LAMA1: variants seen among roughly 807,000 people sequenced by gnomAD.
LAMA1 encodes the protein laminin subunit alpha 1.
In LAMA1, 219 loss-of-function variants were observed where a neutral mutation model predicts 348.7. The observed-to-expected ratio is 0.63, with a 90% confidence interval of 0.56 to 0.70. The LOEUF (loss-of-function observed/expected upper bound fraction) is 0.70, where lower values mean the gene tolerates loss of function less well. LAMA1 is among the 30% of genes least tolerant of loss of function. The pLI is 0.00. For synonymous variants in LAMA1, 1,487 were observed against 1,491.0 expected, an observed-to-expected ratio of 1.00 and a Z score of 0.06; for missense variants, 3,744 against 3,888.0, an observed-to-expected ratio of 0.96 and a Z score of 0.99.
Position 7,034,682 on chromosome 18 carries a change from T to C in LAMA1, c.1848A>G (p.Gly616=). 1 of 1,612,836 alleles carries C rather than the reference T, an allele frequency of 6.2e-7. No homozygotes were observed. The highest frequency in any genetic ancestry group is 1.1e-5 in the South Asian group (1 of 90,994). The change falls in exon 14 of 63, where the codon GGA becomes GGG. Residue 616 remains glycine (G), a synonymous_variant. Transcript: ENST00000389658. The stretch of plus-strand genomic sequence containing the variant: ...CCTCAGCCTGTGTGCTTAAAGTGAG[T>C]CCGTTTCCCTAACATTTAAAAACAA... ...SHADVIIKGN[G]LTLSTQAEGL... is the part of the protein sequence containing the mutation.
At chr18:6,997,721 C>T (rs1173028703) in intron 33 of LAMA1, 21 bp downstream of exon 33, 23 of 1,611,106 alleles carry the variant, frequency 1.4e-5, no homozygotes, top group Non-Finnish European at 2.0e-5. Context: ...GTCTGTTCAT[C>T]TCTGTATTTC....
chr18:7,035,080 C>T (rs986733593), intron 13 of LAMA1, among the ~76,000 whole-genome samples: 4 of 152,186 alleles, frequency 2.6e-5, no homozygotes, highest in African/African-American at 9.7e-5. Context: ...AAGTGATTTA[C>T]CGTGTGCGGT....
intron 3 of LAMA1, among the ~76,000 whole-genome samples, chr18:7,070,202 T>C (rs2058140181): frequency 6.6e-6 from 1 of 152,156 alleles, no homozygotes; most frequent in South Asian, 2.1e-4. Context: ...ACCAAGCAAA[T>C]TCAAGAAACC....
chr18:7,089,981 A>G (rs2058233401), intron 1 of LAMA1, among the ~76,000 whole-genome samples: 1 of 152,198 alleles, frequency 6.6e-6, no homozygotes, highest in Non-Finnish European at 1.5e-5. Context: ...TTAAGTATAC[A>G]TGAACATGCG....
intron 14 of LAMA1, 83 bp from the exon 15 acceptor site, chr18:7,033,178 T>C: frequency 1.9e-6 from 2 of 1,054,700 alleles, no homozygotes; most frequent in South Asian, 1.3e-5. Flanking sequence ...CTAAAAGATT[T>C]AAATCCGGCC....
chr18:7,088,472 G>A (rs1027028418), intron 1 of LAMA1, among the ~76,000 whole-genome samples: 2 of 151,786 alleles, frequency 1.3e-5, no homozygotes, highest in African/African-American at 4.8e-5. Context: ...CAACATACTT[G>A]GCTTTCTTTC....
At chr18:6,981,090 G>A (rs1163485552) in intron 41 of LAMA1, among the ~76,000 whole-genome samples, 14 of 149,502 alleles carry the variant, frequency 9.4e-5, no homozygotes, top group African/African-American at 2.2e-4. Flanking sequence ...GCGACGGAGC[G>A]AGACTCCGTC....
At chr18:7,063,798 C>T (rs542455125) in intron 3 of LAMA1, among the ~76,000 whole-genome samples, 1 of 152,202 alleles carries the variant, frequency 6.6e-6, no homozygotes, top group Admixed American at 6.5e-5. Flanking sequence ...CTTGATTACC[C>T]AGAGTAATCA....
intron 42 of LAMA1, among the ~76,000 whole-genome samples, chr18:6,978,710 G>C (rs1053537029): frequency 4.6e-5 from 7 of 152,176 alleles, no homozygotes; most frequent in African/African-American, 1.7e-4. Flanking sequence ...ATCGCTGTGT[G>C]AGCTGTGTCT....
rs564182113 is a variant in LAMA1, at chr18:7,018,586, A to G, written c.2702-1202T>C. Among the ~76,000 whole-genome samples, 295 of 151,696 alleles carry G rather than the reference A, an allele frequency of 1.9e-3. 2 individuals carry two copies. The highest frequency in any genetic ancestry group is 3.4e-3 in the Middle Eastern group (1 of 294). On this transcript the variant is annotated intron_variant, in intron 19 of 62. Coordinates refer to ENST00000389658, the MANE Select transcript of LAMA1 (RefSeq NM_005559.4). ...AATTTTTTGTATTTTTAGTAGAGAC[A>G]GGGTTTCACCGTGTTAGCCAGGATG...
At chr18:7,025,066 T>C (rs2144145346) in intron 17 of LAMA1, among the ~76,000 whole-genome samples, 1 of 152,306 alleles carries the variant, frequency 6.6e-6, no homozygotes, top group East Asian at 1.9e-4. Flanking sequence ...TGCATCCTTT[T>C]TATATACTGG....
chr18:7,002,381 C>T lies in LAMA1; in HGVS notation c.4265G>A (p.Cys1422Tyr). ...CDPNTGKCLN[C>Y]GDNTAGDHCD... ...ATGGTCACCTGCTGTGTTATCGCCA[C>T]AGTTCTGGGAGCCCACATTTAAAGG... Residue 1422 changes from cysteine (C) to tyrosine (Y), a missense_variant, in exon 30 of 63, where the codon TGT becomes TAT. Physicochemically the swap from Cys to Tyr is radical, Grantham distance 194. Coordinates refer to ENST00000389658, the MANE Select transcript of LAMA1 (RefSeq NM_005559.4). 6.2e-7 allele frequency: 1 copy of T among 1,613,402 alleles called. No homozygotes were observed. The highest frequency in any genetic ancestry group is 8.5e-7 in the Non-Finnish European group (1 of 1,180,014).
At chr18:7,105,473 T>C (rs1298226562) in intron 1 of LAMA1, among the ~76,000 whole-genome samples, 8 of 144,682 alleles carry the variant, frequency 5.5e-5, no homozygotes, top group Non-Finnish European at 9.0e-5. Flanking sequence ...AATAAATAAA[T>C]AAATAAACAA....
At chr18:6,952,623 T>C (rs1248219903) in intron 57 of LAMA1, among the ~76,000 whole-genome samples, 1 of 152,206 alleles carries the variant, frequency 6.6e-6, no homozygotes, top group Non-Finnish European at 1.5e-5. Context: ...AAATACTAAA[T>C]GGGAAGTTCT....
chr18:6,995,231 C>G, intron 34 of LAMA1, 126 bp downstream of exon 34: 2 of 750,904 alleles, frequency 2.7e-6, no homozygotes, highest in Non-Finnish European at 4.9e-6. Flanking sequence ...ACCTGGAGCA[C>G]AGCTCGTGGG....
rs563057540 is a variant in LAMA1, at chr18:6,985,307, C to T, written c.5590G>A (p.Ala1864Thr). ...TCAGCTCTGTAGACCAGGTCGACTG[C>T]GTTCCTTTGGGACATGTGCATGACC... ...DLVMHMSQRN[A>T]VDLVYRAEDH... is the part of the protein sequence containing the mutation. The change falls in exon 39 of 63, where the codon GCA becomes ACA. Residue 1864 changes from alanine (A) to threonine (T), a missense_variant. Physicochemically the swap from Ala to Thr is moderately conservative, Grantham distance 58. Coordinates refer to ENST00000389658, the MANE Select transcript of LAMA1 (RefSeq NM_005559.4). 21 of 1,614,162 alleles carry T rather than the reference C, an allele frequency of 1.3e-5. No individual in the cohort carries two copies. Among genetic ancestry groups the T allele is most frequent in the East Asian group, 6.7e-5 (3 of 44,888 alleles).
intron 56 of LAMA1, 80 bp from the exon 57 acceptor site, chr18:6,955,545 GC>G: frequency 1.0e-6 from 1 of 961,508 alleles, no homozygotes; most frequent in Non-Finnish European, 1.7e-6. Context: ...GCCATGAAGG[GC>G]CATCTACGAA....
At chr18:7,084,074 GAAAAAA>G (rs35419107) in intron 1 of LAMA1, among the ~76,000 whole-genome samples, 36 of 49,728 alleles carry the variant, frequency 7.2e-4, no homozygotes, top group Admixed American at 1.7e-3. Flanking sequence ...TTCTGTCTCA[GAAAAAA>G]AAAAAAAAAA....
chr18:6,948,516 A>T lies in LAMA1; in HGVS notation c.8597T>A (p.Val2866Asp). 1 of 1,614,196 alleles carries T rather than the reference A, an allele frequency of 6.2e-7. No homozygotes were observed. The highest frequency in any genetic ancestry group is 8.5e-7 in the Non-Finnish European group (1 of 1,180,046). The change falls in exon 60 of 63, where the codon GTT becomes GAT. Residue 2866 changes from valine (V) to aspartate (D), a missense_variant. Coordinates refer to ENST00000389658, the MANE Select transcript of LAMA1 (RefSeq NM_005559.4). ...SIPACIGDVT[V>D]NSKQLDKDSP... ...GTCCTTGTCCAGCTGTTTGCTGTTA[A>T]CCGTCACATCCCCAATGCAGGCAGG...
Sources: gnomAD v4.1 joint callset for allele counts (sites outside exome capture counted in the v4.1 genomes callset) on GRCh38, gnomAD v4.1.1 for gene constraint, MANE v1.5 for transcripts, NCBI Gene and HGNC (gene_info 2026-07-23, HGNC 2026-07-21) for gene names.